PIK3C2G: variants seen among roughly 807,000 people sequenced by gnomAD.
The protein encoded by PIK3C2G is phosphatidylinositol 3-kinase C2 domain-containing subunit gamma.
PIK3C2G carries 168 observed loss-of-function variants against 181.1 expected under a neutral mutation model. That is an observed-to-expected ratio of 0.93 (90% confidence interval 0.82 to 1.05). The LOEUF is 1.05. Ranked by LOEUF, PIK3C2G falls within the 50% of genes least tolerant of loss-of-function variation. PIK3C2G has a pLI of 0.00. For missense variants in PIK3C2G, 1,869 were observed against 1,732.8 expected (o/e 1.08, Z -1.40); for synonymous variants, 573 against 592.2 (o/e 0.97, Z 0.47).
intron 18 of PIK3C2G, among the ~76,000 whole-genome samples, chr12:18,477,213 A>G (rs1939091465): frequency 6.6e-6 from 1 of 152,136 alleles, no homozygotes; most frequent in African/African-American, 2.4e-5. Flanking sequence ...CTGTCTCTAC[A>G]TTCAGTCACC....
intron 15 of PIK3C2G, among the ~76,000 whole-genome samples, chr12:18,396,004 T>C (rs552947483): frequency 6.6e-6 from 1 of 151,570 alleles, no homozygotes; most frequent in East Asian, 1.9e-4. Flanking sequence ...CCATAGAAAC[T>C]AATAGCAGTA....
intron 31 of PIK3C2G, among the ~76,000 whole-genome samples, chr12:18,625,511 T>C (rs974932208): frequency 6.6e-6 from 1 of 151,824 alleles, no homozygotes; most frequent in Non-Finnish European, 1.5e-5. Flanking sequence ...TTGGATGGAA[T>C]GTTCCAGATA....
chr12:18,657,070 A>T, the PIK3C2G span, among the ~76,000 whole-genome samples: 2 of 152,148 alleles, frequency 1.3e-5, no homozygotes, highest in African/African-American at 4.8e-5. Flanking sequence ...TGATCCCAAA[A>T]AAACAAGCCC....
At chr12:18,636,288 A>C (rs1949599428) in intron 31 of PIK3C2G, among the ~76,000 whole-genome samples, 1 of 152,110 alleles carries the variant, frequency 6.6e-6, no homozygotes, top group South Asian at 2.1e-4. Flanking sequence ...GCTGGAGTAC[A>C]ATGGCACGAT....
intron 26 of PIK3C2G, among the ~76,000 whole-genome samples, chr12:18,556,438 C>T (rs1005202578): frequency 3.3e-5 from 5 of 152,114 alleles, no homozygotes; most frequent in Admixed American, 6.5e-5. Flanking sequence ...CCTTCATCTT[C>T]AGACTTCTTA....
intron 24 of PIK3C2G, among the ~76,000 whole-genome samples, chr12:18,535,808 G>A (rs1943820965): frequency 6.6e-6 from 1 of 152,010 alleles, no homozygotes; most frequent in Non-Finnish European, 1.5e-5. Flanking sequence ...ATTGGCAATA[G>A]TGATGAGTGA....
At chr12:18,667,075 G>GC in the PIK3C2G span, among the ~76,000 whole-genome samples, 1 of 152,096 alleles carries the variant, frequency 6.6e-6, no homozygotes, top group East Asian at 1.9e-4. Context: ...ACAGTGGGGG[G>GC]AAGTTGCCAG....
intron 26 of PIK3C2G, among the ~76,000 whole-genome samples, chr12:18,557,276 A>G (rs940435078): frequency 6.6e-6 from 1 of 152,088 alleles, no homozygotes; most frequent in Non-Finnish European, 1.5e-5. Context: ...CAAGTGAATA[A>G]TACAATAATT....
intron 32 of PIK3C2G, 114 bp downstream of exon 32, chr12:18,640,668 A>C (rs1949798173): frequency 2.0e-6 from 2 of 981,562 alleles, no homozygotes; most frequent in Admixed American, 4.9e-5. Context: ...CATAAAGGAA[A>C]GATATTTTCC....
At chr12:18,309,768 G>T (rs1950563937) in intron 5 of PIK3C2G, among the ~76,000 whole-genome samples, 1 of 151,744 alleles carries the variant, frequency 6.6e-6, no homozygotes. Flanking sequence ...TCCTACAAGT[G>T]CATGTACACC....
chr12:18,524,054 T>C lies in PIK3C2G; in HGVS notation c.3324-14102T>C, dbSNP rs894222003. Among the ~76,000 whole-genome samples the C allele has an allele frequency of 3.9e-5, 6 of 152,240 alleles. 1 individual carries two copies. The highest frequency in any genetic ancestry group is 1.2e-4 in the African/African-American group (5 of 41,464). ...CCCCCACAATCTGTGTGCTGGTGGC[T>C]GAGAGCCCCACTCCTTTTCTTTTTT... On this transcript the variant is annotated intron_variant, in intron 24 of 32. Transcript: ENST00000538779.
chr12:18,354,244 T>C (rs1001567158), intron 11 of PIK3C2G, among the ~76,000 whole-genome samples: 5 of 152,188 alleles, frequency 3.3e-5, no homozygotes, highest in Non-Finnish European at 7.3e-5. Context: ...GTCCTGTAGG[T>C]AGAAGGGGAC....
At chr12:18,715,040 CA>C in the PIK3C2G span, among the ~76,000 whole-genome samples, 3 of 151,516 alleles carry the variant, frequency 2.0e-5, no homozygotes, top group Non-Finnish European at 4.4e-5. Context: ...CGATCATATG[CA>C]GTCCCTTTCT....
chr12:18,270,759 C>T (rs1195684055), intron 1 of PIK3C2G, among the ~76,000 whole-genome samples: 1 of 152,102 alleles, frequency 6.6e-6, no homozygotes, highest in Non-Finnish European at 1.5e-5. Context: ...GTAACTTTGA[C>T]ATGCCTGAAG....
At chr12:18,677,851 G>A in the PIK3C2G span, among the ~76,000 whole-genome samples, 1 of 151,926 alleles carries the variant, frequency 6.6e-6, no homozygotes, top group African/African-American at 2.4e-5. Flanking sequence ...TTTTAAAATT[G>A]TACTTTAATA....
chr12:18,398,749 A>G (rs987174562), intron 15 of PIK3C2G, among the ~76,000 whole-genome samples: 2 of 152,212 alleles, frequency 1.3e-5, no homozygotes, highest in South Asian at 2.1e-4. Flanking sequence ...ACTAGCATCA[A>G]TGACATTTTC....
At chr12:18,387,839 G>A (rs1022207917) in intron 14 of PIK3C2G, among the ~76,000 whole-genome samples, 1 of 152,152 alleles carries the variant, frequency 6.6e-6, no homozygotes, top group African/African-American at 2.4e-5. Flanking sequence ...TATTTCTGAT[G>A]ACTACAAAAA....
the PIK3C2G span, among the ~76,000 whole-genome samples, chr12:18,667,017 A>G: frequency 1.3e-5 from 2 of 152,198 alleles, no homozygotes; most frequent in African/African-American, 4.8e-5. Context: ...CCGTTTCTCA[A>G]TAATGGTGTA....
At chr12:18,664,416 A>G in the PIK3C2G span, among the ~76,000 whole-genome samples, 1 of 152,214 alleles carries the variant, frequency 6.6e-6, no homozygotes, top group East Asian at 1.9e-4. Context: ...GTTTATACAT[A>G]CTGTGGAATA....
Sources: gnomAD v4.1 joint callset for allele counts (sites outside exome capture counted in the v4.1 genomes callset) on GRCh38, gnomAD v4.1.1 for gene constraint, MANE v1.5 for transcripts, NCBI Gene and HGNC (gene_info 2026-07-23, HGNC 2026-07-21) for gene names.